Variants in IMMP2L observed in about 807,000 individuals in gnomAD.
IMMP2L encodes mitochondrial inner membrane protease subunit 2.
Under a neutral mutation model 19.3 loss-of-function variants are expected in IMMP2L, and 18 were observed. The observed-to-expected ratio is 0.93, with a 90% CI of 0.64 to 1.38. IMMP2L has a LOEUF of 1.38. IMMP2L is among the 40% of genes most tolerant of loss of function. The pLI is 0.00. For missense variants in IMMP2L, 233 were observed against 218.2 expected, an observed-to-expected ratio of 1.07 and a Z score of -0.43; for synonymous variants, 76 against 73.0, an observed-to-expected ratio of 1.04 and a Z score of -0.21.
chr7:111,053,577 G>A (rs143207969), intron 3 of IMMP2L, among the ~76,000 whole-genome samples: 1 of 152,210 alleles, frequency 6.6e-6, no homozygotes, highest in African/African-American at 2.4e-5. Flanking sequence ...ATTTTAGAGA[G>A]ACAGGGTGAC....
chr7:111,392,904 G>A, intron 3 of IMMP2L: 1 of 450,750 alleles, frequency 2.2e-6, no homozygotes, highest in Non-Finnish European at 4.5e-6. Context: ...TGTCCCCATG[G>A]AGCTGGGGGG....
chr7:111,016,807 T>C (rs1469604643), intron 3 of IMMP2L, among the ~76,000 whole-genome samples: 2 of 51,516 alleles, frequency 3.9e-5, no homozygotes, highest in African/African-American at 1.1e-4. Flanking sequence ...ATATAATATA[T>C]ACTATATATT....
intron 4 of IMMP2L, among the ~76,000 whole-genome samples, chr7:110,923,051 T>C (rs181079586): frequency 7.7e-4 from 117 of 152,228 alleles, no homozygotes; most frequent in South Asian, 6.3e-3. Flanking sequence ...TGCCTATGGC[T>C]AGGCCCCAGG....
At chr7:111,317,141 C>T (rs960309076) in intron 3 of IMMP2L, among the ~76,000 whole-genome samples, 10 of 151,900 alleles carry the variant, frequency 6.6e-5, no homozygotes, top group African/African-American at 2.4e-4. Flanking sequence ...ATTTTTGGCT[C>T]GTTTGTACAG....
chr7:110,719,039 A>T (rs945360628), intron 5 of IMMP2L, among the ~76,000 whole-genome samples: 1 of 152,180 alleles, frequency 6.6e-6, no homozygotes, highest in East Asian at 1.9e-4. Context: ...CAGAACACAC[A>T]ACTTAGGAAA....
At chr7:111,505,581 C>G in intron 2 of IMMP2L, among the ~76,000 whole-genome samples, 1 of 152,134 alleles carries the variant, frequency 6.6e-6, no homozygotes, top group Admixed American at 6.5e-5. Flanking sequence ...AAATGTCCAA[C>G]AATGATAGAC....
chr7:111,174,541 T>G (rs1285612276), intron 3 of IMMP2L, among the ~76,000 whole-genome samples: 1 of 151,772 alleles, frequency 6.6e-6, no homozygotes, highest in Non-Finnish European at 1.5e-5. Flanking sequence ...ACGGGAAATA[T>G]ACAGCCTAAA....
At chr7:111,395,182 G>A (rs542625924) in intron 3 of IMMP2L, 1 of 153,600 alleles carries the variant, frequency 6.5e-6, no homozygotes, top group Non-Finnish European at 1.5e-5. Flanking sequence ...AGCCAAAGGA[G>A]TCAAGAGTAG....
intron 5 of IMMP2L, among the ~76,000 whole-genome samples, chr7:110,705,162 G>T (rs1584558688): frequency 6.6e-6 from 1 of 152,060 alleles, no homozygotes; most frequent in Admixed American, 6.6e-5. Context: ...AGTTTAAAAT[G>T]ATCTATAAAT....
intron 3 of IMMP2L, among the ~76,000 whole-genome samples, chr7:111,016,253 T>G (rs1192924762): frequency 6.6e-6 from 1 of 150,576 alleles, no homozygotes; most frequent in Non-Finnish European, 1.5e-5. Context: ...GATAAGAATA[T>G]AGAATGAAGA....
At chr7:111,142,335 A>AGAAAAGAAAAG (rs1562846896) in intron 3 of IMMP2L, among the ~76,000 whole-genome samples, 1 of 62,814 alleles carries the variant, frequency 1.6e-5, no homozygotes, top group African/African-American at 5.3e-5. Context: ...CAAAAAAAAA[A>AGAAAAGAAAAG]AAAAAAAAGA....
chr7:110,682,006 G>A (rs1428255882), intron 5 of IMMP2L, among the ~76,000 whole-genome samples: 1 of 152,152 alleles, frequency 6.6e-6, no homozygotes, highest in Admixed American at 6.5e-5. Context: ...AAAGAAAAAT[G>A]TGTTGAGATT....
At chr7:111,305,562 C>T (rs1822779227) in intron 3 of IMMP2L, among the ~76,000 whole-genome samples, 2 of 151,836 alleles carry the variant, frequency 1.3e-5, no homozygotes, top group Non-Finnish European at 2.9e-5. Context: ...GCAACCTCCG[C>T]CTCCCAAGTT....
intron 3 of IMMP2L, among the ~76,000 whole-genome samples, chr7:111,453,235 T>C (rs932730447): frequency 6.6e-6 from 1 of 152,152 alleles, no homozygotes; most frequent in Non-Finnish European, 1.5e-5. Context: ...TCCCACTGTA[T>C]AGCTTGCTTC....
At chr7:110,872,282 C>T (rs940170005) in intron 5 of IMMP2L, among the ~76,000 whole-genome samples, 12 of 152,134 alleles carry the variant, frequency 7.9e-5, no homozygotes, top group South Asian at 2.1e-4. Context: ...TTCTACTTCT[C>T]GAAAGTTACT....
chr7:111,391,105 GTAA>G (rs1226243000), intron 3 of IMMP2L, among the ~76,000 whole-genome samples: 1 of 151,930 alleles, frequency 6.6e-6, no homozygotes, highest in African/African-American at 2.4e-5. Context: ...TTCATTTTTA[GTAA>G]TAATTATAAA....
chr7:111,148,750 A>ATG lies in IMMP2L; in HGVS notation c.240-185187_240-185186dup, dbSNP rs144054396. Among the ~76,000 whole-genome samples the ATG allele has an allele frequency of 4.1e-3, 616 of 149,584 alleles. 9 individuals are homozygous for ATG. The highest frequency in any genetic ancestry group is 1.7e-3 in the Non-Finnish European group (114 of 67,132). Reference sequence around the variant, plus strand: ...TGCAAACAGTGGATGACATACGTGTATGTGTGTGTGTGTGTGTGGGTCTGT... The same window carrying ATG: ...TGCAAACAGTGGATGACATACGTGTATGTGTGTGTGTGTGTGTGTGGGTCTGT... On this transcript the variant is annotated intron_variant, in intron 3 of 5. Transcript: ENST00000405709.
intron 3 of IMMP2L, among the ~76,000 whole-genome samples, chr7:111,240,173 C>T (rs927830290): frequency 7.2e-5 from 11 of 151,912 alleles, no homozygotes; most frequent in African/African-American, 2.4e-4. Context: ...ATAGCTACTG[C>T]TATGTTTCCA....
rs796409601 is a variant in IMMP2L at position 110,881,627 on chromosome 7, A to T, written c.408+4966T>A. ...TCAACACTGTCTAATGACCTTTTTTAAAATTTGAAATGGCTGATTTTAAAT... is the reference window on the plus strand; with the variant it reads ...TCAACACTGTCTAATGACCTTTTTTTAAATTTGAAATGGCTGATTTTAAAT... On this transcript the variant is annotated intron_variant, in intron 5 of 5. Coordinates refer to ENST00000405709, the MANE Select transcript of IMMP2L (RefSeq NM_032549.4). Among the ~76,000 whole-genome samples, 106 of 152,320 alleles carry T rather than the reference A, an allele frequency of 7.0e-4. 1 individual carries two copies. The highest frequency in any genetic ancestry group is 2.5e-3 in the African/African-American group (104 of 41,578).
Sources: allele counts gnomAD v4.1 joint callset (sites outside exome capture counted in the v4.1 genomes callset), GRCh38; gene constraint gnomAD v4.1.1; transcripts MANE v1.5; gene names NCBI Gene and HGNC (gene_info 2026-07-23, HGNC 2026-07-21).